NSMCE2: variants seen among roughly 807,000 people sequenced by gnomAD.
The protein encoded by NSMCE2 is NSE2 SUMO ligase component of SMC5/6 complex, also known as E3 SUMO-protein ligase NSE2.
Under a neutral mutation model 23.8 loss-of-function variants are expected in NSMCE2, and 24 were observed. The observed-to-expected ratio is 1.01, with a 90% CI of 0.73 to 1.42. The LOEUF is 1.42. Among genes scored for constraint, NSMCE2 ranks in the 40% most tolerant of loss-of-function variants. NSMCE2 has a pLI of 0.00. For synonymous variants in NSMCE2, 92 were observed against 94.1 expected (o/e 0.98, Z 0.13); for missense variants, 284 against 296.5 (o/e 0.96, Z 0.31).
At chr8:125,333,805 G>A (rs1018263986) in intron 5 of NSMCE2, among the ~76,000 whole-genome samples, 3 of 152,038 alleles carry the variant, frequency 2.0e-5, no homozygotes, top group East Asian at 1.9e-4. Context: ...GAGCCACCGC[G>A]CCCGGCCTTC....
intron 7 of NSMCE2, among the ~76,000 whole-genome samples, chr8:125,358,202 AGG>A (rs1172334772): frequency 6.6e-6 from 1 of 151,934 alleles, no homozygotes; most frequent in Admixed American, 6.6e-5. Context: ...GCTTGGTGGC[AGG>A]TGCCTGTAAT....
intron 7 of NSMCE2, among the ~76,000 whole-genome samples, chr8:125,366,545 CA>C: frequency 6.6e-6 from 1 of 152,182 alleles, no homozygotes; most frequent in East Asian, 1.9e-4. Flanking sequence ...AAAGTTAGCT[CA>C]TGATAAGGCA....
chr8:125,359,330 C>CTTTT lies in NSMCE2; in HGVS notation c.626+1529_626+1532dup, dbSNP rs34421417. Among the ~76,000 whole-genome samples, 39 of 102,894 alleles carry CTTTT rather than the reference C, an allele frequency of 3.8e-4. 2 individuals are homozygous for CTTTT. The highest frequency in any genetic ancestry group is 1.3e-3 in the African/African-American group (36 of 27,504). The allele number at this position is 102,894 out of a possible 152,430, so 67.5% of individuals were successfully genotyped here. A position where few individuals can be genotyped will look rare whatever the true frequency, so the allele number is the denominator to read the frequency against. ...AATGGCATGCTTTCTTGCTCTTTCT[C>CTTTT]TTTTTTTTTTTTTTTTTTTTGAGAC... On this transcript the variant is annotated intron_variant, in intron 7 of 7. Transcript: ENST00000287437.
intron 3 of NSMCE2, among the ~76,000 whole-genome samples, chr8:125,125,327 C>G (rs1020325033): frequency 2.0e-5 from 3 of 152,218 alleles, no homozygotes; most frequent in Non-Finnish European, 2.9e-5. Flanking sequence ...CAGTGGCCTT[C>G]TAACGCCCTT....
intron 5 of NSMCE2, among the ~76,000 whole-genome samples, chr8:125,326,205 C>T (rs1011979031): frequency 3.2e-4 from 49 of 151,802 alleles, no homozygotes; most frequent in Admixed American, 1.1e-3. Context: ...TGCAGTGAGC[C>T]GAGATTGCGC....
chr8:125,207,978 T>G (rs1179675829), intron 5 of NSMCE2, among the ~76,000 whole-genome samples: 2 of 152,214 alleles, frequency 1.3e-5, no homozygotes, highest in Non-Finnish European at 2.9e-5. Context: ...GCAGCCCAGA[T>G]TCTAAGGGTG....
chr8:125,162,448 A>G (rs1056195435), intron 4 of NSMCE2, among the ~76,000 whole-genome samples: 4 of 152,136 alleles, frequency 2.6e-5, no homozygotes, highest in African/African-American at 4.8e-5. Flanking sequence ...TCCTGTTACA[A>G]TCGTAAATTT....
chr8:125,214,848 T>G (rs1430385123), intron 5 of NSMCE2, among the ~76,000 whole-genome samples: 2 of 152,068 alleles, frequency 1.3e-5, no homozygotes, highest in African/African-American at 4.8e-5. Context: ...TAAAACTTAC[T>G]ATTTTGACCA....
At chr8:125,228,971 C>G (rs1177397684) in intron 5 of NSMCE2, among the ~76,000 whole-genome samples, 3 of 152,044 alleles carry the variant, frequency 2.0e-5, no homozygotes, top group Non-Finnish European at 4.4e-5. Context: ...TTCACTATAC[C>G]AGATTGAGGT....
At chr8:125,193,019 C>T (rs56276829) in intron 5 of NSMCE2, among the ~76,000 whole-genome samples, 12 of 152,166 alleles carry the variant, frequency 7.9e-5, no homozygotes, top group African/African-American at 2.4e-4. Flanking sequence ...ATATTAACAA[C>T]GTATAATAGT....
chr8:125,218,082 G>A (rs1307061597), intron 5 of NSMCE2, among the ~76,000 whole-genome samples: 1 of 152,098 alleles, frequency 6.6e-6, no homozygotes, highest in Non-Finnish European at 1.5e-5. Context: ...TGCATTATTA[G>A]TGAAACCTAA....
At chr8:125,349,692 G>T (rs1170511047) in intron 5 of NSMCE2, among the ~76,000 whole-genome samples, 10 of 152,114 alleles carry the variant, frequency 6.6e-5, no homozygotes, top group African/African-American at 2.4e-4. Context: ...CTAACTGGTA[G>T]CCAAATTTGG....
chr8:125,242,548 A>C (rs554385512), intron 5 of NSMCE2, among the ~76,000 whole-genome samples: 4 of 152,082 alleles, frequency 2.6e-5, no homozygotes, highest in African/African-American at 9.7e-5. Flanking sequence ...TGGTTCCAGC[A>C]AGAACTGTTA....
intron 5 of NSMCE2, among the ~76,000 whole-genome samples, chr8:125,267,003 C>T (rs377505765): frequency 1.4e-3 from 152 of 111,958 alleles, no homozygotes; most frequent in African/African-American, 4.0e-3. Context: ...TTTTTTCTTT[C>T]TTTTTTTTTT....
chr8:125,334,767 C>CTT (rs1830010987), intron 5 of NSMCE2, among the ~76,000 whole-genome samples: 1 of 108,418 alleles, frequency 9.2e-6, no homozygotes, highest in African/African-American at 3.5e-5. Flanking sequence ...TATGAAGTAT[C>CTT]TTTTCTTTTT....
chr8:125,218,935 A>G (rs1340544943), intron 5 of NSMCE2, among the ~76,000 whole-genome samples: 1 of 152,162 alleles, frequency 6.6e-6, no homozygotes, highest in Non-Finnish European at 1.5e-5. Flanking sequence ...TTTAACATCT[A>G]CTATATAAGG....
chr8:125,290,719 G>A (rs950563466), intron 5 of NSMCE2, among the ~76,000 whole-genome samples: 1 of 152,172 alleles, frequency 6.6e-6, no homozygotes, highest in Non-Finnish European at 1.5e-5. Context: ...AAATATGGTT[G>A]CCATGGCACA....
chr8:125,334,626 T>C (rs918293533), intron 5 of NSMCE2, among the ~76,000 whole-genome samples: 2 of 152,082 alleles, frequency 1.3e-5, no homozygotes, highest in African/African-American at 4.8e-5. Flanking sequence ...GTGTCCATTA[T>C]AGTCAATCTG....
chr8:125,288,723 G>T (rs912029404), intron 5 of NSMCE2, among the ~76,000 whole-genome samples: 1 of 152,132 alleles, frequency 6.6e-6, no homozygotes, highest in Non-Finnish European at 1.5e-5. Context: ...GAGATACTGT[G>T]TACCTGTGTT....
Sources: allele counts gnomAD v4.1 joint callset (sites outside exome capture counted in the v4.1 genomes callset), GRCh38; gene constraint gnomAD v4.1.1; transcripts MANE v1.5; gene names NCBI Gene and HGNC (gene_info 2026-07-23, HGNC 2026-07-21).